Variants in SPSB1 observed in about 807,000 individuals in gnomAD.
SPSB1 encodes splA/ryanodine receptor domain and SOCS box containing 1.
Under a neutral mutation model 21.2 loss-of-function variants are expected in SPSB1, and 8 were observed. The ratio of observed to expected loss-of-function variants is 0.38; its 90% confidence interval spans 0.22 to 0.68. The LOEUF (loss-of-function observed/expected upper bound fraction) is 0.68. SPSB1 is among the 30% of genes least tolerant of loss of function. The pLI is 0.53. For synonymous variants in SPSB1, 169 were observed against 161.7 expected, an observed-to-expected ratio of 1.05 and a Z score of -0.34; for missense variants, 242 against 377.8, an observed-to-expected ratio of 0.64 and a Z score of 2.98.
At chr1:9,342,172 C>T (rs1379094161) in intron 1 of SPSB1, among the ~76,000 whole-genome samples, 1 of 151,312 alleles carries the variant, frequency 6.6e-6, no homozygotes, top group Admixed American at 6.6e-5. Flanking sequence ...AGTTCTCGGC[C>T]GACTTCCCAT....
chr1:9,298,262 GA>G (rs1199620024), intron 1 of SPSB1, among the ~76,000 whole-genome samples: 2 of 151,990 alleles, frequency 1.3e-5, no homozygotes, highest in Admixed American at 6.6e-5. Flanking sequence ...CAGGTCAAAT[GA>G]AAAAAAGTCT....
intron 1 of SPSB1, among the ~76,000 whole-genome samples, chr1:9,296,606 A>G (rs569290878): frequency 3.3e-5 from 5 of 152,244 alleles, no homozygotes; most frequent in Non-Finnish European, 7.3e-5. Flanking sequence ...ACACATACAT[A>G]TGCACACACA....
rs1283597975 is a variant in SPSB1 at position 9,368,156 on chromosome 1, G to A, written c.*581G>A. On this transcript the variant is annotated 3_prime_UTR_variant, in exon 3 of 3. Coordinates refer to ENST00000328089, the MANE Select transcript of SPSB1 (RefSeq NM_025106.4). Reference sequence around the variant, plus strand: ...CAAATAAGCACCCAGCACCCATCCTGGCTGCCGGTGCCCCGTACCCTGTAT... The same window carrying A: ...CAAATAAGCACCCAGCACCCATCCTAGCTGCCGGTGCCCCGTACCCTGTAT... 1 of 155,296 alleles carries A rather than the reference G, an allele frequency of 6.4e-6. No homozygotes were observed. The highest frequency in any genetic ancestry group is 6.2e-5 in the Admixed American group (1 of 16,024). The allele number at this position is 155,296 out of a possible 1,614,324, so 9.6% of individuals were successfully genotyped here.
At chr1:9,323,692 A>G (rs1639763653) in intron 1 of SPSB1, among the ~76,000 whole-genome samples, 1 of 152,212 alleles carries the variant, frequency 6.6e-6, no homozygotes, top group Non-Finnish European at 1.5e-5. Flanking sequence ...CCGAGAGCCC[A>G]TGTTGGGCAG....
intron 1 of SPSB1, among the ~76,000 whole-genome samples, chr1:9,294,236 CTT>C (rs1182494540): frequency 4.7e-5 from 7 of 149,650 alleles, no homozygotes; most frequent in Non-Finnish European, 1.0e-4. Flanking sequence ...GTGTGTGTGT[CTT>C]TGTGTCTCTT....
rs1257556379 is a variant in SPSB1, at chr1:9,317,665, G to A, written c.-150+24594G>A. On this transcript the variant is annotated intron_variant, in intron 1 of 2. Coordinates refer to ENST00000328089, the MANE Select transcript of SPSB1 (RefSeq NM_025106.4). This position sits in a 1 kb window ranked among gnomAD's most constrained non-coding sequence, Gnocchi z 4.3. ...TATATTTTTGTATTTTGTATTTTTT[G>A]TAGAGTTGGGGTTTCACCCTATTGC... is the stretch of plus-strand genomic sequence containing the variant. Among the ~76,000 whole-genome samples, 2 of 152,024 alleles carry A rather than the reference G, an allele frequency of 1.3e-5. No individual in the cohort carries two copies. The highest frequency in any genetic ancestry group is 2.4e-5 in the African/African-American group (1 of 41,392).
chr1:9,294,902 A>C (rs1191858893), intron 1 of SPSB1, among the ~76,000 whole-genome samples: 1 of 151,960 alleles, frequency 6.6e-6, no homozygotes, highest in Non-Finnish European at 1.5e-5. Context: ...CTCCACACTG[A>C]GGAATTTTGG....
At chr1:9,352,459 A>G (rs1640275480) in intron 1 of SPSB1, among the ~76,000 whole-genome samples, 1 of 152,188 alleles carries the variant, frequency 6.6e-6, no homozygotes, top group Non-Finnish European at 1.5e-5. Context: ...TCTGGAACTC[A>G]GCCACGCGCG....
intron 1 of SPSB1, among the ~76,000 whole-genome samples, chr1:9,296,443 T>C (rs926171964): frequency 2.6e-5 from 4 of 152,218 alleles, no homozygotes; most frequent in Non-Finnish European, 4.4e-5. Context: ...TTTAGTGAAA[T>C]TTTTTGTTAT....
chr1:9,294,042 GTGTGTC>G (rs769227170), intron 1 of SPSB1, among the ~76,000 whole-genome samples: 1 of 151,756 alleles, frequency 6.6e-6, no homozygotes. Context: ...GTGTGTGTGT[GTGTGTC>G]TGAGTGCGTC....
At position 9,305,577 on chromosome 1, in the gene SPSB1, A is replaced by G. The variant is rs1374955202; in HGVS notation, c.-150+12506A>G. On this transcript the variant is annotated intron_variant, in intron 1 of 2. Transcript: ENST00000328089. This position sits in a 1 kb window ranked among gnomAD's most constrained non-coding sequence, Gnocchi z 4.8. Reference sequence around the variant, plus strand: ...GTCTGGGAGAGCTCGATGTGGGCCCAGGGTGTGGGTGCTGGGGGTGGGGAC... The same window carrying G: ...GTCTGGGAGAGCTCGATGTGGGCCCGGGGTGTGGGTGCTGGGGGTGGGGAC... Among the ~76,000 whole-genome samples the G allele has an allele frequency of 6.6e-6, 1 of 152,168 alleles. No homozygotes were observed. The highest frequency in any genetic ancestry group is 2.4e-5 in the African/African-American group (1 of 41,438).
rs142384909 is a variant in SPSB1 at position 9,356,581 on chromosome 1, C to T, written c.690C>T (p.Leu230=). The T allele has an allele frequency of 1.5e-5, 23 of 1,585,298 alleles. No homozygotes were observed. The highest frequency in any genetic ancestry group is 1.7e-4 in the Middle Eastern group (1 of 5,950). ...TCCGAATGCGCTACTTGAACGGACTCGATCGTAAGTGTCTCCTCTGCTGTC... is the reference window on the plus strand; with the variant it reads ...TCCGAATGCGCTACTTGAACGGACTTGATCGTAAGTGTCTCCTCTGCTGTC... ...CEIRMRYLNG[L]DPEPLPLMDL... The change falls in exon 2 of 3, where the codon CTC becomes CTT. Residue 230 remains leucine (L), a synonymous_variant. Coordinates refer to ENST00000328089, the MANE Select transcript of SPSB1 (RefSeq NM_025106.4). The surrounding 1 kb of genome is among the most constrained non-coding windows in gnomAD (Gnocchi z 7.4).
Position 9,345,947 on chromosome 1 carries a change from G to A in SPSB1, c.-149-9796G>A, listed in dbSNP as rs1013262894. 3.9e-5 allele frequency among the ~76,000 whole-genome samples: 6 copies of A among 152,080 alleles called. No homozygotes were observed. The highest frequency in any genetic ancestry group is 1.5e-4 in the African/African-American group (6 of 41,360). ...CCACGTGTCACAAGCCCTGCTGGTG[G>A]TGGCCCCTTTGCCAGGGGCTCCATG... is the stretch of plus-strand genomic sequence containing the variant. On this transcript the variant is annotated intron_variant, in intron 1 of 2. Transcript: ENST00000328089. The surrounding 1 kb of genome is among the most constrained non-coding windows in gnomAD (Gnocchi z 4.8).
At chr1:9,301,812 G>A (rs1252646878) in intron 1 of SPSB1, among the ~76,000 whole-genome samples, 2 of 152,230 alleles carry the variant, frequency 1.3e-5, no homozygotes, top group Non-Finnish European at 2.9e-5. Context: ...CTGAGCTCCA[G>A]TATGGCCCCA....
Position 9,363,662 on chromosome 1 carries a change from A to G in SPSB1, c.695-3786A>G, listed in dbSNP as rs1640512618. The stretch of plus-strand genomic sequence containing the variant: ...TCAGCCACTCAAAATAAGGCACTGG[A>G]TGGAGCTGGGGGCTCATGTGGGCCT... On this transcript the variant is annotated intron_variant, in intron 2 of 2. Coordinates refer to ENST00000328089, the MANE Select transcript of SPSB1 (RefSeq NM_025106.4). The surrounding 1 kb of genome is among the most constrained non-coding windows in gnomAD (Gnocchi z 4.5). Among the ~76,000 whole-genome samples, 1 of 151,874 alleles carries G rather than the reference A, an allele frequency of 6.6e-6. No homozygotes were observed. The highest frequency in any genetic ancestry group is 6.5e-5 in the Admixed American group (1 of 15,268).
chr1:9,319,182 A>G (rs530582724), intron 1 of SPSB1, among the ~76,000 whole-genome samples: 24 of 152,246 alleles, frequency 1.6e-4, no homozygotes, highest in Admixed American at 1.5e-3. Context: ...CTCCATCTCA[A>G]AAAAAACAAA....
intron 1 of SPSB1, among the ~76,000 whole-genome samples, chr1:9,343,151 A>G (rs186334761): frequency 1.3e-5 from 2 of 152,374 alleles, no homozygotes; most frequent in East Asian, 3.9e-4. Context: ...CATTCGCAAT[A>G]TAGTATACTA....
intron 1 of SPSB1, among the ~76,000 whole-genome samples, chr1:9,304,862 G>A (rs542564386): frequency 1.1e-4 from 16 of 152,150 alleles, no homozygotes; most frequent in East Asian, 5.8e-4. Context: ...TCACAAAGAC[G>A]GTGTCTCCCT....
chr1:9,328,951 T>C (rs1213290271), intron 1 of SPSB1, among the ~76,000 whole-genome samples: 1 of 152,148 alleles, frequency 6.6e-6, no homozygotes, highest in Admixed American at 6.5e-5. Context: ...CAGGGTACGC[T>C]GGGGTGAAGG....
Sources: allele counts gnomAD v4.1 joint callset (sites outside exome capture counted in the v4.1 genomes callset), GRCh38; gene constraint gnomAD v4.1.1; non-coding constraint Gnocchi (gnomAD v3.1); transcripts MANE v1.5; gene names NCBI Gene and HGNC (gene_info 2026-07-23, HGNC 2026-07-21).